ST8SIA5: variants seen among roughly 807,000 people sequenced by gnomAD.
The protein encoded by ST8SIA5 is alpha-2,8-sialyltransferase 8E.
In ST8SIA5, 24 loss-of-function variants were observed where a neutral mutation model predicts 40.2. That is an observed-to-expected ratio of 0.60 (90% CI 0.43 to 0.84). The LOEUF is 0.84. Ranked by LOEUF, ST8SIA5 falls within the 40% of genes least tolerant of loss-of-function variation. The probability of loss-of-function intolerance (pLI) is 0.00; values close to 1 mark genes in which losing one functional copy is unlikely to be tolerated. For synonymous variants in ST8SIA5, 198 were observed against 201.8 expected, an observed-to-expected ratio of 0.98 and a Z score of 0.16; for missense variants, 465 against 498.5, an observed-to-expected ratio of 0.93 and a Z score of 0.64.
intron 1 of ST8SIA5, among the ~76,000 whole-genome samples, chr18:46,751,984 C>T (rs1463770096): frequency 6.6e-6 from 1 of 152,174 alleles, no homozygotes; most frequent in Non-Finnish European, 1.5e-5. Context: ...TCCCCGCTCC[C>T]TCCCAGACAC....
rs1392570468 is a variant in ST8SIA5, at chr18:46,686,231, C to T, written c.512G>A (p.Gly171Asp). 1.2e-6 allele frequency: 2 copies of T among 1,614,168 alleles called. No individual in the cohort carries two copies. Among genetic ancestry groups the T allele is most frequent in the Admixed American group, 1.7e-5 (1 of 60,020 alleles). Residue 171 changes from glycine to aspartate, a missense_variant, in exon 5 of 7, where the codon GGC (glycine) becomes GAC (aspartate). Gly to Asp is a moderately conservative substitution (Grantham distance 94). Coordinates refer to ENST00000315087, the MANE Select transcript of ST8SIA5 (RefSeq NM_013305.6). ...CCCGCAGCGGCTGTTCTTCAAGATG[C>T]CTCCGTTGCCCACTACAGCACACTT... ...FKKCAVVGNG[G>D]ILKNSRCGRE...
chr18:46,733,279 T>C (rs1338372602), intron 1 of ST8SIA5, among the ~76,000 whole-genome samples: 2 of 152,204 alleles, frequency 1.3e-5, no homozygotes, highest in African/African-American at 4.8e-5. Context: ...GCTTGTGAAA[T>C]AAAATGTATA....
chr18:46,741,726 T>C (rs2040087925), intron 1 of ST8SIA5, among the ~76,000 whole-genome samples: 1 of 152,192 alleles, frequency 6.6e-6, no homozygotes, highest in Admixed American at 6.5e-5. Context: ...ATTAAAGTAA[T>C]TGACCACATC....
At chr18:46,719,682 T>TCTTTCTTTC (rs138438614) in intron 1 of ST8SIA5, among the ~76,000 whole-genome samples, 8 of 107,162 alleles carry the variant, frequency 7.5e-5, no homozygotes, top group Admixed American at 3.3e-4. Context: ...TTCTTTTCTT[T>TCTTTCTTTC]TTTCTTTCTT....
intron 3 of ST8SIA5, 53 bp from the exon 4 acceptor site, chr18:46,688,972 G>C (rs1265196325): frequency 3.8e-6 from 6 of 1,576,064 alleles, no homozygotes; most frequent in Non-Finnish European, 5.2e-6. Flanking sequence ...AGATGTGATG[G>C]AGGGCAGAGC....
At position 46,680,297 on chromosome 18, in the gene ST8SIA5, C is replaced by G. The variant is rs779424425; in HGVS notation, c.876G>C (p.Leu292=). Reference sequence around the variant, plus strand: ...TGCTGATGCGCTTGGCGCGCACCCCCAGGCTGAGCCAGTAGCGCGACACGT... The same window carrying G: ...TGCTGATGCGCTTGGCGCGCACCCCGAGGCTGAGCCAGTAGCGCGACACGT... ...LVNVSRYWLS[L]GVRAKRISTG... is the part of the protein sequence containing the mutation. The change falls in exon 7 of 7, where the codon CTG becomes CTC. Residue 292 remains leucine (L), a synonymous_variant. Transcript: ENST00000315087. 6.2e-7 allele frequency: 1 copy of G among 1,614,218 alleles called. No homozygotes were observed. The highest frequency in any genetic ancestry group is 8.5e-7 in the Non-Finnish European group (1 of 1,180,050).
intron 1 of ST8SIA5, among the ~76,000 whole-genome samples, chr18:46,709,803 T>C (rs948112301): frequency 7.9e-5 from 12 of 152,230 alleles, no homozygotes; most frequent in African/African-American, 2.9e-4. Flanking sequence ...TGCGTTATTT[T>C]TTTAAATACT....
At chr18:46,725,322 C>T (rs976555088) in intron 1 of ST8SIA5, among the ~76,000 whole-genome samples, 3 of 152,228 alleles carry the variant, frequency 2.0e-5, no homozygotes, top group Admixed American at 2.0e-4. Flanking sequence ...GAGTCTGCTA[C>T]GAAACTCATG....
chr18:46,736,610 A>G (rs527984052), intron 1 of ST8SIA5, among the ~76,000 whole-genome samples: 62 of 152,284 alleles, frequency 4.1e-4, no homozygotes, highest in African/African-American at 1.5e-3. Flanking sequence ...TTTATTTCCA[A>G]GAAATGGCAA....
rs59660372 is a variant in ST8SIA5 at position 46,725,972 on chromosome 18, A to AAAAAAT, written c.132-21309_132-21308insATTTTT. Among the ~76,000 whole-genome samples the AAAAAAT allele has an allele frequency of 8.9e-4, 26 of 29,088 alleles. 1 individual carries two copies. Among genetic ancestry groups the AAAAAAT allele is most frequent in the African/African-American group, 1.2e-3 (8 of 6,654 alleles). The allele number at this position is 29,088 out of a possible 152,430, so 19.1% of individuals were successfully genotyped here. A position where few individuals can be genotyped will look rare whatever the true frequency, so the allele number is the denominator to read the frequency against. The stretch of plus-strand genomic sequence containing the variant: ...CCCATCTCTACTTAAAAAAAAAAAA[A>AAAAAAT]ATATATATATATATATATATATATA... On this transcript the variant is annotated intron_variant, in intron 1 of 6. Coordinates refer to ENST00000315087, the MANE Select transcript of ST8SIA5 (RefSeq NM_013305.6).
At position 46,680,347 on chromosome 18, in the gene ST8SIA5, A is replaced by G; in HGVS notation, c.826T>C (p.Tyr276His). The change falls in exon 7 of 7, where the codon TAC becomes CAC. Residue 276 changes from tyrosine (Y) to histidine (H), a missense_variant. Tyr to His is a moderately conservative substitution (Grantham distance 83, BLOSUM62 2). Coordinates refer to ENST00000315087, the MANE Select transcript of ST8SIA5 (RefSeq NM_013305.6). Reference protein sequence around the residue: ...DDFESPQAVYYFHPQYLVNVS... With the variant: ...DDFESPQAVYHFHPQYLVNVS... ...TTGACCAGGTACTGCGGATGGAAGTAGTAGACAGCTTGCGGCGATTCGAAG... is the reference window on the plus strand; with the variant it reads ...TTGACCAGGTACTGCGGATGGAAGTGGTAGACAGCTTGCGGCGATTCGAAG... 1.2e-6 allele frequency: 2 copies of G among 1,614,228 alleles called. No individual in the cohort carries two copies. The highest frequency in any genetic ancestry group is 2.2e-5 in the East Asian group (1 of 44,880).
chr18:46,719,109 A>C (rs1283011818), intron 1 of ST8SIA5, among the ~76,000 whole-genome samples: 1 of 152,206 alleles, frequency 6.6e-6, no homozygotes, highest in Non-Finnish European at 1.5e-5. Context: ...TTGTCCCAGG[A>C]AAATGTGGGA....
At position 46,673,434 on chromosome 18, in the gene ST8SIA5, T is replaced by C. The variant is rs766278216; in HGVS notation, c.*6608A>G. On this transcript the variant is annotated 3_prime_UTR_variant, in exon 7 of 7. Coordinates refer to ENST00000315087, the MANE Select transcript of ST8SIA5 (RefSeq NM_013305.6). ...TCTTTTCCTACTCAAGGCTCCAGTC[T>C]GAATTTCAAGCCATACATGGCCACT... The C allele has an allele frequency of 1.4e-4, 22 of 152,246 alleles. No individual in the cohort carries two copies. The highest frequency in any genetic ancestry group is 3.2e-4 in the Non-Finnish European group (22 of 68,028). 9.4% of individuals were successfully genotyped at this position (152,246 alleles called of 1,614,324 possible).
At chr18:46,746,335 A>C (rs1333369167) in intron 1 of ST8SIA5, among the ~76,000 whole-genome samples, 1 of 152,174 alleles carries the variant, frequency 6.6e-6, no homozygotes, top group African/African-American at 2.4e-5. Flanking sequence ...CTCAGCCCAA[A>C]ATCTCCTTAA....
At chr18:46,699,415 C>T (rs987161607) in intron 2 of ST8SIA5, among the ~76,000 whole-genome samples, 2 of 151,502 alleles carry the variant, frequency 1.3e-5, no homozygotes, top group African/African-American at 4.9e-5. Flanking sequence ...AGTCTTACTC[C>T]GTCGCCCAGG....
chr18:46,735,841 G>A (rs574849490), intron 1 of ST8SIA5, among the ~76,000 whole-genome samples: 114 of 151,920 alleles, frequency 7.5e-4, no homozygotes, highest in Non-Finnish European at 1.5e-3. Flanking sequence ...TCAAATTCCC[G>A]GGGTCAAGTG....
chr18:46,706,527 C>A (rs1284793905), intron 1 of ST8SIA5, among the ~76,000 whole-genome samples: 1 of 151,964 alleles, frequency 6.6e-6, no homozygotes, highest in Non-Finnish European at 1.5e-5. Flanking sequence ...GCAAAAACCA[C>A]GATTACTTTT....
intron 1 of ST8SIA5, among the ~76,000 whole-genome samples, chr18:46,748,760 A>C (rs2040167605): frequency 6.6e-6 from 1 of 151,960 alleles, no homozygotes; most frequent in Admixed American, 6.6e-5. Flanking sequence ...GTTATCAAGG[A>C]TGTAGACAAA....
intron 1 of ST8SIA5, among the ~76,000 whole-genome samples, chr18:46,725,972 AATATATATATATATAT>A (rs1555696955): frequency 6.9e-5 from 2 of 29,092 alleles, no homozygotes; most frequent in East Asian, 2.1e-3. Flanking sequence ...AAAAAAAAAA[AATATATATATATATAT>A]ATATATATAT....
Sources: allele counts gnomAD v4.1 joint callset (sites outside exome capture counted in the v4.1 genomes callset), GRCh38; gene constraint gnomAD v4.1.1; transcripts MANE v1.5; gene names NCBI Gene and HGNC (gene_info 2026-07-23, HGNC 2026-07-21).